The following NXPE4 variants were observed in gnomAD, a reference collection of about 807,000 sequenced individuals.
NXPE4 encodes neurexophilin and PC-esterase domain family member 4, also known as NXPE family member 4.
In NXPE4, 42 loss-of-function variants were observed where a neutral mutation model predicts 33.3. The ratio of observed to expected loss-of-function variants is 1.26; its 90% CI spans 0.98 to 1.63. NXPE4 has a LOEUF of 1.63. NXPE4 is among the 40% of genes most tolerant of loss of function. The pLI is 0.00. For missense variants in NXPE4, 709 were observed against 647.6 expected, an observed-to-expected ratio of 1.09 and a Z score of -1.03; for synonymous variants, 253 against 234.9, an observed-to-expected ratio of 1.08 and a Z score of -0.71.
the NXPE4 span, among the ~76,000 whole-genome samples, chr11:114,637,423 C>G: frequency 1.3e-4 from 20 of 152,014 alleles, no homozygotes; most frequent in Non-Finnish European, 2.6e-4. Context: ...ATCCAATTTG[C>G]CAGTCTGTGT....
chr11:114,639,528 G>A, the NXPE4 span, among the ~76,000 whole-genome samples: 4 of 151,342 alleles, frequency 2.6e-5, no homozygotes, highest in African/African-American at 9.7e-5. Context: ...GGTACCTCAG[G>A]TGGAAATGCA....
At chr11:114,586,131 T>A (rs1174869895) in intron 2 of NXPE4, among the ~76,000 whole-genome samples, 1 of 152,180 alleles carries the variant, frequency 6.6e-6, no homozygotes, top group East Asian at 1.9e-4. Flanking sequence ...CACTACCTCC[T>A]CAAGCTCATC....
At chr11:114,573,064 C>G (rs376180475) in intron 5 of NXPE4, among the ~76,000 whole-genome samples, 1 of 152,010 alleles carries the variant, frequency 6.6e-6, no homozygotes, top group African/African-American at 2.4e-5. Context: ...ATTTTAGCCT[C>G]CTTAAACAAA....
At chr11:114,610,967 T>C in the NXPE4 span, among the ~76,000 whole-genome samples, 4 of 151,992 alleles carry the variant, frequency 2.6e-5, no homozygotes, top group Non-Finnish European at 2.9e-5. Context: ...TAATAAGTGT[T>C]GCCTCGTGGG....
At chr11:114,626,236 CAA>C in the NXPE4 span, among the ~76,000 whole-genome samples, 1 of 152,210 alleles carries the variant, frequency 6.6e-6, no homozygotes, top group Non-Finnish European at 1.5e-5. Context: ...CACAGACAAA[CAA>C]AAAGACAGCA....
At chr11:114,613,357 T>C in the NXPE4 span, among the ~76,000 whole-genome samples, 1 of 151,776 alleles carries the variant, frequency 6.6e-6, no homozygotes, top group Non-Finnish European at 1.5e-5. Flanking sequence ...GCCTCGTGGA[T>C]AACCACGGTT....
intron 2 of NXPE4, among the ~76,000 whole-genome samples, chr11:114,590,321 T>C (rs768931620): frequency 6.6e-6 from 1 of 152,184 alleles, no homozygotes; most frequent in Admixed American, 6.5e-5. Context: ...TAAAGTACCT[T>C]GGTTTAGTGC....
the NXPE4 span, among the ~76,000 whole-genome samples, chr11:114,605,366 G>A: frequency 1.3e-5 from 2 of 151,960 alleles, no homozygotes; most frequent in Non-Finnish European, 2.9e-5. Context: ...GTTACCTGCT[G>A]CATAATAAGT....
chr11:114,618,031 C>T, the NXPE4 span, among the ~76,000 whole-genome samples: 238 of 152,174 alleles, frequency 1.6e-3, no homozygotes, highest in African/African-American at 4.2e-3. Context: ...TAAGTGTTGC[C>T]TCGTGGGTAA....
At chr11:114,614,852 T>C in the NXPE4 span, among the ~76,000 whole-genome samples, 8 of 150,378 alleles carry the variant, frequency 5.3e-5, no homozygotes, top group Non-Finnish European at 1.0e-4. Flanking sequence ...AGTGTTGCCT[T>C]ATGGGTTACC....
chr11:114,666,891 A>G, the NXPE4 span, among the ~76,000 whole-genome samples: 3 of 152,120 alleles, frequency 2.0e-5, no homozygotes, highest in Non-Finnish European at 4.4e-5. Flanking sequence ...CATTCACAAT[A>G]CCCACACTTC....
At chr11:114,606,292 T>TCTTA in the NXPE4 span, among the ~76,000 whole-genome samples, 24,610 of 151,526 alleles carry the variant, frequency 0.16, 2,161 homozygotes, top group South Asian at 0.21. Context: ...GGATAATAAA[T>TCTTA]GTTGCCTCAT....
chr11:114,582,155 C>A, intron 3 of NXPE4, 133 bp downstream of exon 3: 1 of 936,514 alleles, frequency 1.1e-6, no homozygotes, highest in Non-Finnish European at 1.6e-6. Flanking sequence ...TAAATGAATT[C>A]ACAGATCCTT....
At chr11:114,674,343 G>T in the NXPE4 span, among the ~76,000 whole-genome samples, 1 of 151,556 alleles carries the variant, frequency 6.6e-6, no homozygotes, top group Non-Finnish European at 1.5e-5. Flanking sequence ...TTGTGATGTG[G>T]CTCAGACACA....
At chr11:114,614,009 A>G in the NXPE4 span, among the ~76,000 whole-genome samples, 1 of 151,614 alleles carries the variant, frequency 6.6e-6, no homozygotes, top group Non-Finnish European at 1.5e-5. Flanking sequence ...TACCCAGTGG[A>G]AAATAAGTAT....
chr11:114,660,450 T>C, the NXPE4 span, among the ~76,000 whole-genome samples: 4 of 152,036 alleles, frequency 2.6e-5, no homozygotes, highest in African/African-American at 9.7e-5. Context: ...AAAAGCCTTG[T>C]TCATCATTTG....
chr11:114,633,007 ATATT>A, the NXPE4 span, among the ~76,000 whole-genome samples: 1 of 106,184 alleles, frequency 9.4e-6, no homozygotes, highest in Non-Finnish European at 1.7e-5. Flanking sequence ...ATAATAATAT[ATATT>A]ATATAATATA....
chr11:114,615,400 A>G, the NXPE4 span, among the ~76,000 whole-genome samples: 4 of 151,556 alleles, frequency 2.6e-5, no homozygotes, highest in Non-Finnish European at 1.5e-5. Context: ...TGCCTCGGTA[A>G]CCACAGTTAC....
the NXPE4 span, among the ~76,000 whole-genome samples, chr11:114,653,485 C>T: frequency 2.6e-5 from 4 of 151,394 alleles, no homozygotes; most frequent in African/African-American, 4.9e-5. Context: ...GCTTGTACTC[C>T]GTATTTCATT....
Sources: allele counts gnomAD v4.1 joint callset (sites outside exome capture counted in the v4.1 genomes callset), GRCh38; gene constraint gnomAD v4.1.1; transcripts MANE v1.5; gene names NCBI Gene and HGNC (gene_info 2026-07-23, HGNC 2026-07-21).